The following GRPR variants were observed in gnomAD, a reference collection of about 807,000 sequenced individuals.
GRPR encodes the protein gastrin releasing peptide receptor.
Under a neutral mutation model 15.6 loss-of-function variants are expected in GRPR, and 4 were observed. The observed-to-expected ratio is 0.26, with a 90% CI of 0.13 to 0.59. The LOEUF (loss-of-function observed/expected upper bound fraction) is 0.59, where lower values mean the gene tolerates loss of function less well. GRPR is among the 20% of genes least tolerant of loss of function. The pLI, the probability that GRPR is intolerant of heterozygous loss-of-function variation, is 0.90. For missense variants in GRPR, 270 were observed against 304.1 expected (o/e 0.89, Z 0.83); for synonymous variants, 128 against 126.8 (o/e 1.01, Z -0.06).
rs572693059 is a variant in GRPR, at chrX:16,131,711, G to A, written c.413+7345G>A. Among the ~76,000 whole-genome samples, 5 of 111,672 alleles carry A rather than the reference G, an allele frequency of 4.5e-5. No individual in the cohort carries two copies. The South Asian group carries it at 1.5e-3, about 34-fold the overall frequency. ...ATAGTATGTAGCTATTTTAGGTCTGGCTTCTTTTAACTCACTTTTTGCACG... is the reference window on the plus strand; with the variant it reads ...ATAGTATGTAGCTATTTTAGGTCTGACTTCTTTTAACTCACTTTTTGCACG... On this transcript the variant is annotated intron_variant, in intron 1 of 2. Coordinates refer to ENST00000380289, the MANE Select transcript of GRPR (RefSeq NM_005314.3).
At chrX:16,142,565 C>G (rs1035861500) in intron 1 of GRPR, among the ~76,000 whole-genome samples, 2 of 112,022 alleles carry the variant, frequency 1.8e-5, no homozygotes, top group Non-Finnish European at 3.8e-5. Flanking sequence ...ATGAAATTAA[C>G]AATAATTCCT....
chrX:16,152,590 C>G lies in GRPR; in HGVS notation c.1100C>G (p.Ser367Cys), dbSNP rs1226925757. Residue 367 changes from serine to cysteine, a missense_variant, in exon 3 of 3, where the codon TCC becomes TGC. Ser to Cys is a moderately radical substitution (Grantham distance 112). Coordinates refer to ENST00000380289, the MANE Select transcript of GRPR (RefSeq NM_005314.3). ...ACCTCCCTCAAGAGTACCAACCCCT[C>G]CGTGGCCACCTTTAGCCTCATCAAT... ...CMTSLKSTNP[S>C]VATFSLINGN... 1 of 1,208,574 alleles carries G rather than the reference C, an allele frequency of 8.3e-7. No individual in the cohort carries two copies. The highest frequency in any genetic ancestry group is 2.2e-5 in the Admixed American group (1 of 46,060).
At chrX:16,136,769 G>T (rs1922455697) in intron 1 of GRPR, among the ~76,000 whole-genome samples, 1 of 112,066 alleles carries the variant, frequency 8.9e-6, no homozygotes, top group African/African-American at 3.2e-5. Flanking sequence ...TTGTAGGGTG[G>T]AATCTGCCAC....
rs1244943075 is a variant in GRPR at position 16,134,364 on chromosome X, G to A, written c.413+9998G>A. Among the ~76,000 whole-genome samples the A allele has an allele frequency of 6.3e-5, 7 of 111,741 alleles. No homozygotes were observed. The East Asian group carries it at 1.1e-3, about 18-fold the overall frequency. On this transcript the variant is annotated intron_variant, in intron 1 of 2. Coordinates refer to ENST00000380289, the MANE Select transcript of GRPR (RefSeq NM_005314.3). ...GTAGTTTAATTTCTCAAATTAGTCCGAATATATTTTAAAATACCTTTCTGG... is the reference window on the plus strand; with the variant it reads ...GTAGTTTAATTTCTCAAATTAGTCCAAATATATTTTAAAATACCTTTCTGG...
At chrX:16,136,267 A>G (rs777872550) in intron 1 of GRPR, among the ~76,000 whole-genome samples, 1 of 111,958 alleles carries the variant, frequency 8.9e-6, no homozygotes, top group South Asian at 3.8e-4. Context: ...ATTTGTCTGT[A>G]CCAGGATAGC....
At chrX:16,127,991 C>A (rs972637730) in intron 1 of GRPR, among the ~76,000 whole-genome samples, 28 of 111,694 alleles carry the variant, frequency 2.5e-4, no homozygotes, top group African/African-American at 8.8e-4. Context: ...TTATTTTAGC[C>A]TCTCATATAT....
At chrX:16,132,752 G>A (rs944435856) in intron 1 of GRPR, among the ~76,000 whole-genome samples, 1 of 111,681 alleles carries the variant, frequency 9.0e-6, no homozygotes, top group Non-Finnish European at 1.9e-5. Flanking sequence ...ACTTGGAAAA[G>A]CCATTATCAA....
chrX:16,135,843 T>C (rs1232216787), intron 1 of GRPR, among the ~76,000 whole-genome samples: 1 of 112,353 alleles, frequency 8.9e-6, no homozygotes, highest in Non-Finnish European at 1.9e-5. Flanking sequence ...TTCATTATTA[T>C]CTTTTCTTCT....
At position 16,152,521 on chromosome X, in the gene GRPR, T is replaced by C; in HGVS notation, c.1031T>C (p.Leu344Pro). ...CAGCTGCTCTGTTGCCAGCCTGGCC[T>C]GATCATCCGGTCTCACAGCACTGGA... ...NTQLLCCQPG[L>P]IIRSHSTGRS... is the part of the protein sequence containing the mutation. Residue 344 changes from leucine to proline, a missense_variant, in exon 3 of 3, where the codon CTG (leucine) becomes CCG (proline). By Grantham distance (98) the Leu-to-Pro change is moderately conservative. Coordinates refer to ENST00000380289, the MANE Select transcript of GRPR (RefSeq NM_005314.3). 2 of 1,210,729 alleles carry C rather than the reference T, an allele frequency of 1.7e-6. No homozygotes were observed. Among genetic ancestry groups the C allele is most frequent in the Non-Finnish European group, 2.2e-6 (2 of 894,267 alleles).
intron 1 of GRPR, among the ~76,000 whole-genome samples, chrX:16,146,975 C>T (rs1429060493): frequency 9.0e-6 from 1 of 111,382 alleles, no homozygotes; most frequent in Non-Finnish European, 1.9e-5. Context: ...ATAATGTCTA[C>T]CTATTGGAGT....
intron 1 of GRPR, among the ~76,000 whole-genome samples, chrX:16,140,906 G>T (rs1922521347): frequency 9.0e-6 from 1 of 111,258 alleles, no homozygotes; most frequent in South Asian, 3.8e-4. Context: ...ATTTTTCTTT[G>T]TCTTCGTGAT....
intron 1 of GRPR, among the ~76,000 whole-genome samples, chrX:16,147,881 C>T (rs887708388): frequency 9.0e-6 from 1 of 111,488 alleles, no homozygotes. Context: ...TTATCTCTAA[C>T]AAATTTATTA....
intron 1 of GRPR, among the ~76,000 whole-genome samples, chrX:16,146,889 C>A (rs1270888549): frequency 2.7e-5 from 3 of 112,283 alleles, no homozygotes; most frequent in Non-Finnish European, 5.6e-5. Context: ...TTCTAAAAAA[C>A]ATTGGTTCTA....
chrX:16,150,482 C>T lies in GRPR; in HGVS notation c.591C>T (p.Ala197=). The T allele has an allele frequency of 1.7e-6, 2 of 1,209,095 alleles. No individual in the cohort carries two copies. The highest frequency in any genetic ancestry group is 2.2e-6 in the Non-Finnish European group (2 of 893,226). Residue 197 remains alanine, a synonymous_variant, in exon 2 of 3, where the codon GCC becomes GCT. Transcript: ENST00000380289. ...CCAACCAGACCTTCATTAGCTGTGC[C>T]CCATACCCACACTCTAATGAGCTTC... ...ESTNQTFISC[A]PYPHSNELHP... is the part of the protein sequence containing the mutation.
intron 1 of GRPR, among the ~76,000 whole-genome samples, chrX:16,129,918 A>G (rs1030398462): frequency 1.6e-4 from 18 of 111,143 alleles, no homozygotes; most frequent in African/African-American, 5.6e-4. Flanking sequence ...AACTCTTCTC[A>G]CTGCCTCCCA....
rs191497666 is a variant in GRPR, at chrX:16,152,951, A to G, written c.*306A>G. ...CAAGCCCTGTTAAATGGTCGTGGCC[A>G]ATTATGTCATAGAAACTGTATGAAC... On this transcript the variant is annotated 3_prime_UTR_variant, in exon 3 of 3. Coordinates refer to ENST00000380289, the MANE Select transcript of GRPR (RefSeq NM_005314.3). 1 of 325,081 alleles carries G rather than the reference A, an allele frequency of 3.1e-6. No homozygotes were observed. The highest frequency in any genetic ancestry group is 2.6e-5 in the African/African-American group (1 of 38,509). 26.8% of individuals were successfully genotyped at this position (325,081 alleles called of 1,213,427 possible). A position where few individuals can be genotyped will look rare whatever the true frequency, so the allele number is the denominator to read the frequency against.
chrX:16,141,795 AT>A (rs1164889085), intron 1 of GRPR, among the ~76,000 whole-genome samples: 4 of 111,961 alleles, frequency 3.6e-5, no homozygotes, highest in Non-Finnish European at 7.5e-5. Flanking sequence ...AACATGAGTA[AT>A]ATGTAGTATC....
intron 1 of GRPR, among the ~76,000 whole-genome samples, chrX:16,144,298 C>T (rs780083959): frequency 1.8e-5 from 2 of 111,821 alleles, no homozygotes; most frequent in South Asian, 7.5e-4. Context: ...GAAAATAAAG[C>T]TGATGTTTAG....
At position 16,128,188 on chromosome X, in the gene GRPR, A is replaced by G. The variant is rs139247607; in HGVS notation, c.413+3822A>G. ...TTTCCTCATTCTTATTCTTCATTCTATTTTGAGGATTAATCTGAAAGCATA... is the reference window on the plus strand; with the variant it reads ...TTTCCTCATTCTTATTCTTCATTCTGTTTTGAGGATTAATCTGAAAGCATA... On this transcript the variant is annotated intron_variant, in intron 1 of 2. Transcript: ENST00000380289. Among the ~76,000 whole-genome samples the G allele has an allele frequency of 3.6e-3, 402 of 112,334 alleles. 5 individuals are homozygous for G. The highest frequency in any genetic ancestry group is 0.03 in the Admixed American group (318 of 10,600).
Sources: allele counts gnomAD v4.1 joint callset (sites outside exome capture counted in the v4.1 genomes callset), GRCh38; gene constraint gnomAD v4.1.1; transcripts MANE v1.5; gene names NCBI Gene and HGNC (gene_info 2026-07-23, HGNC 2026-07-21).